DOCK1: variants seen among roughly 807,000 people sequenced by gnomAD.
DOCK1 encodes the protein dedicator of cytokinesis protein 1.
A neutral mutation model predicts 262.7 loss-of-function variants in DOCK1; 138 were observed. That is an observed-to-expected ratio of 0.53 (90% CI 0.46 to 0.61). The LOEUF (loss-of-function observed/expected upper bound fraction) is 0.61. DOCK1 is among the 20% of genes least tolerant of loss of function. DOCK1 has a pLI of 0.00. For missense variants in DOCK1, 1,908 were observed against 2,370.7 expected, an observed-to-expected ratio of 0.80 and a Z score of 4.05; for synonymous variants, 866 against 867.4, an observed-to-expected ratio of 1.00 and a Z score of 0.03.
chr10:126,963,648 T>TTCCC (rs1413931030), intron 1 of DOCK1, among the ~76,000 whole-genome samples: 1 of 63,444 alleles, frequency 1.6e-5, no homozygotes. Context: ...CCCTCCTTCC[T>TTCCC]TCCTTCCTTC....
chr10:127,144,517 C>T (rs183051397), intron 27 of DOCK1, among the ~76,000 whole-genome samples: 6 of 152,318 alleles, frequency 3.9e-5, no homozygotes, highest in African/African-American at 1.4e-4. Flanking sequence ...TGTTGAATTA[C>T]AATAAACTGA....
intron 46 of DOCK1, among the ~76,000 whole-genome samples, chr10:127,421,664 A>G (rs930364388): frequency 6.6e-6 from 1 of 151,798 alleles, no homozygotes; most frequent in African/African-American, 2.4e-5. Flanking sequence ...CCACCATTCT[A>G]CTTTGTGTCT....
chr10:127,179,774 CA>C (rs549532412), intron 27 of DOCK1, among the ~76,000 whole-genome samples: 179 of 152,324 alleles, frequency 1.2e-3, no homozygotes, highest in Admixed American at 3.1e-3. Context: ...ATCATTCCTT[CA>C]TGCATTTATT....
At chr10:127,093,950 T>C (rs12249026) in intron 23 of DOCK1, among the ~76,000 whole-genome samples, 34,245 of 151,910 alleles carry the variant, frequency 0.23, 5,370 homozygotes, top group African/African-American at 0.45. Flanking sequence ...AAGGTGAGAG[T>C]GTGAGAGAGG....
At chr10:126,997,048 CA>C (rs2040250042) in intron 7 of DOCK1, among the ~76,000 whole-genome samples, 165 bp downstream of exon 7, 1 of 152,100 alleles carries the variant, frequency 6.6e-6, no homozygotes, top group Non-Finnish European at 1.5e-5. Flanking sequence ...CCTGGTGGCA[CA>C]GGATGTCACC....
In DOCK1 at chr10:127,260,839, G is replaced by A. The variant is rs867613877; in HGVS notation, c.3044+3410G>A. 3.2e-4 allele frequency among the ~76,000 whole-genome samples: 45 copies of A among 142,032 alleles called. 1 individual carries two copies. Among genetic ancestry groups the A allele is most frequent in the South Asian group, 2.3e-3 (10 of 4,346 alleles). 93.2% of individuals were successfully genotyped at this position (142,032 alleles called of 152,430 possible). On this transcript the variant is annotated intron_variant, in intron 29 of 51. Transcript: ENST00000623213. ...CCTGCATGTGTGTGCATGGGTGTGC[G>A]TGTGTGTACCCGTGCTCATCTGTGT...
intron 23 of DOCK1, among the ~76,000 whole-genome samples, chr10:127,083,125 T>C (rs2047002327): frequency 6.6e-6 from 1 of 152,220 alleles, no homozygotes; most frequent in Non-Finnish European, 1.5e-5. Flanking sequence ...AGGAGGCATG[T>C]TGGCAAATGT....
chr10:127,083,467 AC>A (rs1199377534), intron 23 of DOCK1, among the ~76,000 whole-genome samples: 1 of 151,928 alleles, frequency 6.6e-6, no homozygotes, highest in Admixed American at 6.6e-5. Context: ...GATTTGAGAA[AC>A]CCTTCGGCTA....
intron 43 of DOCK1, among the ~76,000 whole-genome samples, chr10:127,412,939 C>T (rs915996503): frequency 1.3e-5 from 2 of 152,208 alleles, no homozygotes; most frequent in African/African-American, 4.8e-5. Context: ...CACCCTGGAC[C>T]TCCTCCAGGA....
chr10:127,276,369 CA>C (rs561874682), intron 29 of DOCK1, among the ~76,000 whole-genome samples: 34 of 152,246 alleles, frequency 2.2e-4, no homozygotes, highest in South Asian at 1.5e-3. Flanking sequence ...TGGGAGGGGA[CA>C]GGGGGGACAG....
intron 29 of DOCK1, among the ~76,000 whole-genome samples, chr10:127,261,205 A>C (rs1013710097): frequency 3.1e-5 from 1 of 32,596 alleles, no homozygotes; most frequent in Non-Finnish European, 5.5e-5. Context: ...GTGTGTGTGT[A>C]CCTGCATGTG....
chr10:127,181,042 C>A (rs1054339350), intron 27 of DOCK1, among the ~76,000 whole-genome samples: 2 of 152,028 alleles, frequency 1.3e-5, no homozygotes, highest in Non-Finnish European at 2.9e-5. Flanking sequence ...AAGGCATAAC[C>A]ACTAGTATCA....
chr10:127,299,960 G>C (rs943008894), intron 29 of DOCK1, among the ~76,000 whole-genome samples: 1 of 152,164 alleles, frequency 6.6e-6, no homozygotes, highest in African/African-American at 2.4e-5. Flanking sequence ...CAGGCTCCAT[G>C]GCATTTCTCA....
intron 40 of DOCK1, among the ~76,000 whole-genome samples, chr10:127,405,046 A>G (rs931741006): frequency 2.0e-5 from 3 of 152,236 alleles, no homozygotes; most frequent in African/African-American, 7.2e-5. Flanking sequence ...TTGAGGCTGA[A>G]TGGTATTTCA....
chr10:126,913,834 A>G (rs1175013760), intron 1 of DOCK1, among the ~76,000 whole-genome samples: 1 of 152,220 alleles, frequency 6.6e-6, no homozygotes, highest in African/African-American at 2.4e-5. Flanking sequence ...GTTAGGGGTC[A>G]TAGAGATCCG....
At chr10:127,048,761 C>A (rs1042202848) in intron 21 of DOCK1, among the ~76,000 whole-genome samples, 2 of 152,188 alleles carry the variant, frequency 1.3e-5, no homozygotes, top group Non-Finnish European at 2.9e-5. Context: ...TTCTGTTGGG[C>A]ATCACTGTTT....
intron 29 of DOCK1, among the ~76,000 whole-genome samples, chr10:127,260,281 C>G (rs940710151): frequency 6.6e-6 from 1 of 152,200 alleles, no homozygotes; most frequent in African/African-American, 2.4e-5. Flanking sequence ...TGGGGAGAAG[C>G]CACAGTGCTC....
In DOCK1 at chr10:126,905,885, A is replaced by ACCCCCAACTCCCCGGCCCC. The variant is rs1185399757; in HGVS notation, c.46+323_46+341dup. 2.0e-5 allele frequency among the ~76,000 whole-genome samples: 3 copies of ACCCCCAACTCCCCGGCCCC among 151,664 alleles called. No individual in the cohort carries two copies. The East Asian group carries it at 5.9e-4, about 30-fold the overall frequency. ...CCTCTGCCGTGGAGCCCCCCGGGCT[A>ACCCCCAACTCCCCGGCCCC]CCCCCAACTCCCCGGCCCCGGCCGC... On this transcript the variant is annotated intron_variant, in intron 1 of 51. Coordinates refer to ENST00000623213, the MANE Select transcript of DOCK1 (RefSeq NM_001290223.2).
At chr10:126,924,033 G>A (rs1265163000) in intron 1 of DOCK1, among the ~76,000 whole-genome samples, 1 of 152,176 alleles carries the variant, frequency 6.6e-6, no homozygotes, top group African/African-American at 2.4e-5. Context: ...TTTTGATATG[G>A]CAGCCCGAAC....
Sources: allele counts gnomAD v4.1 joint callset (sites outside exome capture counted in the v4.1 genomes callset), GRCh38; gene constraint gnomAD v4.1.1; transcripts MANE v1.5; gene names NCBI Gene and HGNC (gene_info 2026-07-23, HGNC 2026-07-21).